Variants in TEC observed in about 807,000 individuals in gnomAD.
TEC encodes the protein tyrosine-protein kinase Tec.
Under a neutral mutation model 93.0 loss-of-function variants are expected in TEC, and 72 were observed. That is an observed-to-expected ratio of 0.77 (90% CI 0.64 to 0.94). TEC has a LOEUF of 0.94. Among genes scored for constraint, TEC ranks in the 40% least tolerant of loss-of-function variants. The probability of loss-of-function intolerance (pLI) is 0.00; values close to 1 mark genes in which losing one functional copy is unlikely to be tolerated. For synonymous variants in TEC, 249 were observed against 247.7 expected, an observed-to-expected ratio of 1.01 and a Z score of -0.05; for missense variants, 630 against 757.9, an observed-to-expected ratio of 0.83 and a Z score of 1.98.
At chr4:48,229,826 C>A (rs1385354321) in intron 1 of TEC, among the ~76,000 whole-genome samples, 1 of 151,752 alleles carries the variant, frequency 6.6e-6, no homozygotes, top group East Asian at 1.9e-4. Flanking sequence ...GTAATCCCAG[C>A]ACTTTGGGAG....
chr4:48,250,671 T>G (rs966074876), intron 1 of TEC, among the ~76,000 whole-genome samples: 15 of 151,844 alleles, frequency 9.9e-5, no homozygotes. Context: ...GAGAGCAGAG[T>G]TGATCCAAAC....
chr4:48,229,294 C>A (rs6849860), intron 1 of TEC, among the ~76,000 whole-genome samples: 2,560 of 152,338 alleles, frequency 0.017, 69 homozygotes, highest in African/African-American at 0.056. Context: ...AGTTAACCTG[C>A]TCAGGGCAGA....
intron 1 of TEC, among the ~76,000 whole-genome samples, chr4:48,232,441 C>G (rs913354070): frequency 1.3e-5 from 2 of 152,180 alleles, no homozygotes; most frequent in African/African-American, 4.8e-5. Context: ...AGTTAAATGG[C>G]TTACTCAAGG....
chr4:48,252,929 G>T (rs967382350), intron 1 of TEC, among the ~76,000 whole-genome samples: 4 of 152,168 alleles, frequency 2.6e-5, no homozygotes, highest in Admixed American at 6.5e-5. Context: ...ATGAATGAAT[G>T]GACAAGTATA....
rs576166701 is a variant in TEC, at chr4:48,259,428, C to G, written c.-46+10324G>C. ...TAGACCATGATATCTAGAAAGATGA[C>G]AAAGGGGCTGGGCGCAGTGGCTCAT... On this transcript the variant is annotated intron_variant, in intron 1 of 17. Coordinates refer to ENST00000381501, the MANE Select transcript of TEC (RefSeq NM_003215.3). 5.3e-5 allele frequency among the ~76,000 whole-genome samples: 8 copies of G among 152,110 alleles called. No individual in the cohort carries two copies. The South Asian group carries it at 1.5e-3, about 28-fold the overall frequency.
At chr4:48,251,324 C>T (rs7674061) in intron 1 of TEC, among the ~76,000 whole-genome samples, 33,136 of 151,980 alleles carry the variant, frequency 0.22, 4,428 homozygotes, top group Middle Eastern at 0.32. Flanking sequence ...TTTCTTTCTC[C>T]CTCCTCCCCA....
At chr4:48,162,892 A>C (rs1032896929) in intron 8 of TEC, among the ~76,000 whole-genome samples, 20 of 152,344 alleles carry the variant, frequency 1.3e-4, no homozygotes, top group Admixed American at 4.6e-4. Context: ...GTATATAAAT[A>C]ATACAAGTTA....
intron 2 of TEC, among the ~76,000 whole-genome samples, chr4:48,185,976 G>C (rs1327706304): frequency 6.6e-6 from 1 of 152,188 alleles, no homozygotes; most frequent in Non-Finnish European, 1.5e-5. Context: ...TCCTGCCTCA[G>C]CCTGCGGAGT....
intron 14 of TEC, chr4:48,141,735 T>C: frequency 4.3e-6 from 1 of 232,980 alleles, no homozygotes; most frequent in Non-Finnish European, 8.3e-6. Flanking sequence ...AGGCTGGAAG[T>C]GCAGTGGCAC....
At chr4:48,268,491 A>G (rs1724698098) in intron 1 of TEC, among the ~76,000 whole-genome samples, 1 of 152,244 alleles carries the variant, frequency 6.6e-6, no homozygotes, top group Non-Finnish European at 1.5e-5. Context: ...AAATGTAACT[A>G]AACTAAAAAA....
chr4:48,176,122 T>A lies in TEC; in HGVS notation c.203A>T (p.Asp68Val), dbSNP rs1006089815. ...ATTTTGACAGGGAATGACACCATCA[T>A]CATTCTTCACTATTTCCACACACTT... Reference protein sequence around the residue: ...KIKCVEIVKNDDGVIPCQNKY... With the variant: ...KIKCVEIVKNVDGVIPCQNKY... The change falls in exon 3 of 18, where the codon GAT becomes GTT. Residue 68 changes from aspartate to valine, a missense_variant. Transcript: ENST00000381501. The A allele has an allele frequency of 6.2e-7, 1 of 1,613,908 alleles. No homozygotes were observed. The highest frequency in any genetic ancestry group is 8.5e-7 in the Non-Finnish European group (1 of 1,179,914).
intron 1 of TEC, among the ~76,000 whole-genome samples, chr4:48,241,115 A>G (rs1723912860): frequency 6.6e-6 from 1 of 152,180 alleles, no homozygotes; most frequent in Admixed American, 6.5e-5. Flanking sequence ...CATATGTCCC[A>G]TCTCTGAGGA....
intron 2 of TEC, among the ~76,000 whole-genome samples, chr4:48,210,797 T>C (rs1722876440): frequency 6.6e-6 from 1 of 152,218 alleles, no homozygotes. Context: ...GTGAATCACC[T>C]GTGATTAGTG....
intron 1 of TEC, among the ~76,000 whole-genome samples, chr4:48,237,796 T>A (rs907280134): frequency 6.6e-6 from 1 of 152,234 alleles, no homozygotes; most frequent in African/African-American, 2.4e-5. Context: ...TGACCTTATT[T>A]CACATCTCAT....
chr4:48,167,016 C>A (rs1720896969), intron 7 of TEC, among the ~76,000 whole-genome samples: 1 of 151,834 alleles, frequency 6.6e-6, no homozygotes. Flanking sequence ...CTCTTCTCAT[C>A]CACTGGAACT....
intron 2 of TEC, among the ~76,000 whole-genome samples, chr4:48,187,053 TAGAC>T (rs1721903977): frequency 6.6e-6 from 1 of 152,240 alleles, no homozygotes; most frequent in Non-Finnish European, 1.5e-5. Context: ...TAGAAAGAAG[TAGAC>T]CTGGGAGACT....
intron 2 of TEC, among the ~76,000 whole-genome samples, chr4:48,181,672 CAAAAAAA>C (rs35655873): frequency 9.4e-6 from 1 of 106,654 alleles, no homozygotes; most frequent in Non-Finnish European, 2.0e-5. Context: ...GACTCTGTCT[CAAAAAAA>C]AAAAAAAAGA....
intron 8 of TEC, among the ~76,000 whole-genome samples, chr4:48,159,863 G>T (rs1720555804): frequency 6.6e-6 from 1 of 152,114 alleles, no homozygotes; most frequent in Non-Finnish European, 1.5e-5. Context: ...TCAACAACCA[G>T]TTCTTGTGGG....
chr4:48,172,551 T>C (rs1721158323), intron 3 of TEC, among the ~76,000 whole-genome samples: 1 of 152,006 alleles, frequency 6.6e-6, no homozygotes, highest in Non-Finnish European at 1.5e-5. Flanking sequence ...TCTTCCCACC[T>C]GAGCCTCCAA....
Sources: allele counts gnomAD v4.1 joint callset (sites outside exome capture counted in the v4.1 genomes callset), GRCh38; gene constraint gnomAD v4.1.1; transcripts MANE v1.5; gene names NCBI Gene and HGNC (gene_info 2026-07-23, HGNC 2026-07-21).